Variants in FGF12 observed in about 807,000 individuals in gnomAD.
FGF12 encodes fibroblast growth factor 12.
Under a neutral mutation model 23.6 loss-of-function variants are expected in FGF12, and 14 were observed. The observed-to-expected ratio is 0.59, with a 90% CI of 0.39 to 0.93. FGF12 has a LOEUF of 0.93. Ranked by LOEUF, FGF12 falls within the 40% of genes least tolerant of loss-of-function variation. The pLI, the probability that FGF12 is intolerant of heterozygous loss-of-function variation, is 0.00. For missense variants in FGF12, 175 were observed against 217.8 expected, an observed-to-expected ratio of 0.80 and a Z score of 1.24; for synonymous variants, 62 against 77.3, an observed-to-expected ratio of 0.80 and a Z score of 1.04.
intron 2 of FGF12, among the ~76,000 whole-genome samples, chr3:192,380,326 T>C (rs1420966052): frequency 2.0e-5 from 3 of 152,188 alleles, no homozygotes. Flanking sequence ...GACTTAATAT[T>C]GGTTGTGAGA....
At chr3:192,334,812 A>G (rs1717311392) in intron 4 of FGF12, among the ~76,000 whole-genome samples, 4 of 152,152 alleles carry the variant, frequency 2.6e-5, no homozygotes, top group Admixed American at 2.6e-4. Flanking sequence ...ATAAAACTCA[A>G]ATATCCTTGC....
At chr3:192,187,509 T>C (rs1430421008) in intron 4 of FGF12, among the ~76,000 whole-genome samples, 3 of 152,248 alleles carry the variant, frequency 2.0e-5, no homozygotes, top group African/African-American at 4.8e-5. Flanking sequence ...ATGTAATTCA[T>C]GTAGTCTTTT....
At chr3:192,227,580 T>TAAAAAAAAAAAAAAAAAAAAAAA (rs778525112) in intron 4 of FGF12, among the ~76,000 whole-genome samples, 1 of 60,278 alleles carries the variant, frequency 1.7e-5, no homozygotes, top group Non-Finnish European at 3.6e-5. Flanking sequence ...GAACTTAAAG[T>TAAAAAAAAAAAAAAAAAAAAAAA]AAAAAAAAAA....
At chr3:192,411,881 C>T (rs1231558203) in intron 2 of FGF12, among the ~76,000 whole-genome samples, 1 of 152,144 alleles carries the variant, frequency 6.6e-6, no homozygotes, top group Non-Finnish European at 1.5e-5. Context: ...TTCTCATCTA[C>T]CTCGCAGAAG....
rs1560175832 is a variant in FGF12, at chr3:192,167,773, T to TA, written c.427+2684_427+2685insT. Among the ~76,000 whole-genome samples the TA allele has an allele frequency of 4.1e-3, 51 of 12,548 alleles. 3 individuals are homozygous for TA. The highest frequency in any genetic ancestry group is 7.0e-3 in the Non-Finnish European group (32 of 4,576). The allele number at this position is 12,548 out of a possible 152,430, so 8.2% of individuals were successfully genotyped here. A position where few individuals can be genotyped will look rare whatever the true frequency, so the allele number is the denominator to read the frequency against. On this transcript the variant is annotated intron_variant, in intron 5 of 5. Transcript: ENST00000445105. ...TATATATATATATATATATATAAAATTTTTTTTTTTTTTTTTTTTTGAGAA... is the reference window on the plus strand; with the variant it reads ...TATATATATATATATATATATAAAATATTTTTTTTTTTTTTTTTTTTGAGAA...
chr3:192,468,845 C>T (rs73070222), intron 2 of FGF12, among the ~76,000 whole-genome samples: 15,471 of 152,118 alleles, frequency 0.1, 2,532 homozygotes, highest in African/African-American at 0.34. Context: ...GTTTGCGGAA[C>T]AGTGATTTTT....
intron 2 of FGF12, among the ~76,000 whole-genome samples, chr3:192,584,860 G>C (rs1485488864): frequency 6.6e-6 from 1 of 151,948 alleles, no homozygotes; most frequent in Non-Finnish European, 1.5e-5. Flanking sequence ...TTACTGTAAA[G>C]CTGCCAACAA....
intron 2 of FGF12, among the ~76,000 whole-genome samples, chr3:192,528,600 AC>A (rs1725011404): frequency 6.6e-6 from 1 of 152,010 alleles, no homozygotes; most frequent in Non-Finnish European, 1.5e-5. Context: ...GGGGGCTCCA[AC>A]CCCACATTTC....
intron 2 of FGF12, among the ~76,000 whole-genome samples, chr3:192,606,987 C>A (rs570875986): frequency 1.3e-5 from 2 of 152,188 alleles, no homozygotes; most frequent in African/African-American, 4.8e-5. Context: ...GCAGAGACAG[C>A]TTCAAGGACA....
chr3:192,612,869 C>A (rs1345152003), intron 2 of FGF12, among the ~76,000 whole-genome samples: 1 of 151,852 alleles, frequency 6.6e-6, no homozygotes, highest in Non-Finnish European at 1.5e-5. Context: ...ATGCTCCTTG[C>A]CCAAATTTTT....
chr3:192,565,956 C>G (rs930885480), intron 2 of FGF12, among the ~76,000 whole-genome samples: 6 of 152,162 alleles, frequency 3.9e-5, no homozygotes, highest in African/African-American at 1.4e-4. Context: ...CATGGTAGCA[C>G]ATGCCTGTAA....
At chr3:192,476,297 A>T (rs928016208) in intron 2 of FGF12, among the ~76,000 whole-genome samples, 1 of 152,052 alleles carries the variant, frequency 6.6e-6, no homozygotes, top group African/African-American at 2.4e-5. Flanking sequence ...TGAGGAAAAT[A>T]TTGTTATTTT....
At chr3:192,229,155 T>C (rs1718888914) in intron 4 of FGF12, among the ~76,000 whole-genome samples, 1 of 150,232 alleles carries the variant, frequency 6.7e-6, no homozygotes, top group Admixed American at 6.6e-5. Context: ...TGGATCTAAG[T>C]GAATAAAATT....
intron 2 of FGF12, among the ~76,000 whole-genome samples, chr3:192,414,162 T>C (rs2108780120): frequency 6.6e-6 from 1 of 152,292 alleles, no homozygotes; most frequent in East Asian, 1.9e-4. Context: ...TTCTGGAGAA[T>C]AGGTATTTTG....
intron 4 of FGF12, among the ~76,000 whole-genome samples, chr3:192,305,582 A>G (rs1166388355): frequency 6.6e-6 from 1 of 151,458 alleles, no homozygotes; most frequent in Non-Finnish European, 1.5e-5. Context: ...CAAATGAAGA[A>G]ATAAAAGTCT....
Position 192,629,884 on chromosome 3 carries a change from G to A in FGF12, c.13+97297C>T, listed in dbSNP as rs188726610. ...CTGCGAGGATATAACACAAGAACACGTATTTTTAACACGCTCCCTAGGTAA... is the reference window on the plus strand; with the variant it reads ...CTGCGAGGATATAACACAAGAACACATATTTTTAACACGCTCCCTAGGTAA... On this transcript the variant is annotated intron_variant, in intron 2 of 5. Transcript: ENST00000445105. Among the ~76,000 whole-genome samples the A allele has an allele frequency of 3.9e-4, 59 of 152,244 alleles. No individual in the cohort carries two copies. The East Asian group carries it at 0.011, about 29-fold the overall frequency.
chr3:192,213,223 C>T (rs1279708049), intron 4 of FGF12, among the ~76,000 whole-genome samples: 1 of 152,232 alleles, frequency 6.6e-6, no homozygotes, highest in Admixed American at 6.5e-5. Context: ...CGAAGGAGAG[C>T]ATCTGCCTAT....
At chr3:192,164,402 C>T (rs1460236796) in intron 5 of FGF12, among the ~76,000 whole-genome samples, 1 of 152,126 alleles carries the variant, frequency 6.6e-6, no homozygotes, top group Non-Finnish European at 1.5e-5. Flanking sequence ...CCCTGAAACC[C>T]CTCATCAACG....
chr3:192,441,127 T>C (rs1722189873), intron 2 of FGF12, among the ~76,000 whole-genome samples: 2 of 152,352 alleles, frequency 1.3e-5, no homozygotes, highest in East Asian at 3.8e-4. Context: ...CTTAACTAGC[T>C]ACGTAAAACT....
Sources: allele counts gnomAD v4.1 joint callset (sites outside exome capture counted in the v4.1 genomes callset), GRCh38; gene constraint gnomAD v4.1.1; transcripts MANE v1.5; gene names NCBI Gene and HGNC (gene_info 2026-07-23, HGNC 2026-07-21).